Variants in MBD3 observed in about 807,000 individuals in gnomAD.
MBD3 encodes the protein methyl-CpG binding domain protein 3, also known as methyl-CpG-binding domain protein 3.
In MBD3, 13 loss-of-function variants were observed where a neutral mutation model predicts 31.2. The observed-to-expected ratio is 0.42, with a 90% CI of 0.27 to 0.66. The LOEUF (loss-of-function observed/expected upper bound fraction) is 0.66, where lower values mean the gene tolerates loss of function less well. Ranked by LOEUF, MBD3 falls within the 30% of genes least tolerant of loss-of-function variation. The pLI is 0.26. For missense variants in MBD3, 440 were observed against 426.5 expected (o/e 1.03, Z -0.28); for synonymous variants, 223 against 187.4 (o/e 1.19, Z -1.55).
chr19:1,590,070 G>A (rs1206690116), intron 1 of MBD3, among the ~76,000 whole-genome samples: 19 of 152,140 alleles, frequency 1.2e-4, no homozygotes. Context: ...CACTTTGGGA[G>A]GCTGAGGTGC....
chr19:1,579,764 TTTTCTA>T (rs545186510), intron 5 of MBD3, among the ~76,000 whole-genome samples: 39 of 152,230 alleles, frequency 2.6e-4, no homozygotes, highest in Non-Finnish European at 4.6e-4. Flanking sequence ...TTCAATGCCC[TTTTCTA>T]TTTCTATAAG....
intron 4 of MBD3, among the ~76,000 whole-genome samples, chr19:1,581,986 C>CTCGA (rs1243076583): frequency 6.6e-6 from 1 of 152,090 alleles, no homozygotes; most frequent in Non-Finnish European, 1.5e-5. Flanking sequence ...CCAGGATGAT[C>CTCGA]TCGATCTCCT....
rs754647971 is a variant in MBD3, at chr19:1,582,608, G to T, written c.499+14C>A. The T allele has an allele frequency of 6.2e-7, 1 of 1,612,586 alleles. No homozygotes were observed. Among genetic ancestry groups the T allele is most frequent in the East Asian group, 2.2e-5 (1 of 44,866 alleles). On this transcript the variant is annotated intron_variant, in intron 4 of 6. Coordinates refer to ENST00000434436, the MANE Select transcript of MBD3 (RefSeq NM_001281453.2). ...GCACATCCCCTTCCGCCTCCCCTCA[G>T]GGTGCCCGCTCACCCTGCAGGCCCT...
chr19:1,588,779 CAAAAAAAAAA>C (rs750933978), intron 1 of MBD3, among the ~76,000 whole-genome samples: 2 of 54,950 alleles, frequency 3.6e-5, no homozygotes, highest in Non-Finnish European at 6.8e-5. Context: ...ACTGTGTCTC[CAAAAAAAAAA>C]AAAAAAAAAA....
chr19:1,584,522 G>C lies in MBD3; in HGVS notation c.408+18C>G. ...CAACCCGGCCGGGAAGGCTGGGGTC[G>C]CTGTGCGTTGAGCTCACCTGGCGCG... On this transcript the variant is annotated intron_variant, in intron 3 of 6. Transcript: ENST00000434436. The C allele has an allele frequency of 6.2e-7, 1 of 1,611,862 alleles. No homozygotes were observed. The highest frequency in any genetic ancestry group is 8.5e-7 in the Non-Finnish European group (1 of 1,179,654).
chr19:1,575,411 TAA>T lies in MBD3; in HGVS notation c.*2751_*2752del, dbSNP rs375145153. Reference sequence around the variant, plus strand: ...GCGAAAGAAGAGCGAAACTCTTGTCTAAAAAAAAAAAAAGTCCCAGAAGGTCT... The same window carrying T: ...GCGAAAGAAGAGCGAAACTCTTGTCTAAAAAAAAAAAGTCCCAGAAGGTCT... On this transcript the variant is annotated 3_prime_UTR_variant, in exon 7 of 7. Transcript: ENST00000434436. 1,364 of 264,620 alleles carry T rather than the reference TAA, an allele frequency of 5.2e-3. No individual in the cohort carries two copies. The highest frequency in any genetic ancestry group is 9.7e-3 in the South Asian group (324 of 33,464). 16.4% of individuals were successfully genotyped at this position (264,620 alleles called of 1,614,324 possible).
Position 1,575,616 on chromosome 19 carries a change from C to T in MBD3, c.*2548G>A, listed in dbSNP as rs1053585661. On this transcript the variant is annotated 3_prime_UTR_variant, in exon 7 of 7. Transcript: ENST00000434436. Reference sequence around the variant, plus strand: ...GGGGCTGGAGTGTGGAGCCTCGGTGCGCCCAGGGGGTTCAGCCTGAGGGTC... The same window carrying T: ...GGGGCTGGAGTGTGGAGCCTCGGTGTGCCCAGGGGGTTCAGCCTGAGGGTC... 3.1e-5 allele frequency: 5 copies of T among 159,086 alleles called. No individual in the cohort carries two copies. Among genetic ancestry groups the T allele is most frequent in the Non-Finnish European group, 5.4e-5 (4 of 73,416 alleles). The allele number at this position is 159,086 out of a possible 1,614,324, so 9.9% of individuals were successfully genotyped here. A position where few individuals can be genotyped will look rare whatever the true frequency, so the allele number is the denominator to read the frequency against.
chr19:1,586,702 T>G (rs1293170457), intron 1 of MBD3, among the ~76,000 whole-genome samples: 1 of 145,954 alleles, frequency 6.9e-6, no homozygotes, highest in East Asian at 2.0e-4. Flanking sequence ...AGTCTCACTC[T>G]GTCGCCCAGG....
rs759274622 is a variant in MBD3 at position 1,575,405 on chromosome 19, CTT to C, written c.*2757_*2758del. The C allele has an allele frequency of 7.5e-4, 238 of 318,080 alleles. 1 individual carries two copies. Among genetic ancestry groups the C allele is most frequent in the Non-Finnish European group, 1.3e-3 (206 of 157,628 alleles). The allele number at this position is 318,080 out of a possible 1,614,324, so 19.7% of individuals were successfully genotyped here. A position where few individuals can be genotyped will look rare whatever the true frequency, so the allele number is the denominator to read the frequency against. On this transcript the variant is annotated 3_prime_UTR_variant, in exon 7 of 7. Transcript: ENST00000434436. ...ACAAGAGCGAAAGAAGAGCGAAACT[CTT>C]GTCTAAAAAAAAAAAAAGTCCCAGA...
At chr19:1,588,684 C>T (rs897581094) in intron 1 of MBD3, among the ~76,000 whole-genome samples, 7 of 147,888 alleles carry the variant, frequency 4.7e-5, no homozygotes, top group African/African-American at 1.3e-4. Context: ...GGGAGGCTGA[C>T]GCAGAATTGG....
chr19:1,577,945 G>A lies in MBD3; in HGVS notation c.*219C>T. On this transcript the variant is annotated 3_prime_UTR_variant, in exon 7 of 7. Coordinates refer to ENST00000434436, the MANE Select transcript of MBD3 (RefSeq NM_001281453.2). ...ACTTCCCGAAGCCGGACTCTGTAGA[G>A]GACGAGCGTGGAGGGTCTTTCGGGT... 3.0e-6 allele frequency: 1 copy of A among 335,732 alleles called. No homozygotes were observed. The highest frequency in any genetic ancestry group is 5.7e-6 in the Non-Finnish European group (1 of 176,262). 20.8% of individuals were successfully genotyped at this position (335,732 alleles called of 1,614,324 possible).
chr19:1,574,025 T>G lies in MBD3; in HGVS notation c.*4139A>C, dbSNP rs1417798071. ...GCCGAAGAAGAAGAAGAAAAAAAAGTACACAATTCTGGTGAGGCACGGTGG... is the reference window on the plus strand; with the variant it reads ...GCCGAAGAAGAAGAAGAAAAAAAAGGACACAATTCTGGTGAGGCACGGTGG... On this transcript the variant is annotated 3_prime_UTR_variant, in exon 7 of 7. Transcript: ENST00000434436. The G allele has an allele frequency of 6.6e-6, 1 of 150,616 alleles. No homozygotes were observed. The highest frequency in any genetic ancestry group is 1.5e-5 in the Non-Finnish European group (1 of 67,814). 9.3% of individuals were successfully genotyped at this position (150,616 alleles called of 1,614,324 possible). A position where few individuals can be genotyped will look rare whatever the true frequency, so the allele number is the denominator to read the frequency against.
At chr19:1,591,468 T>G (rs958042505) in intron 1 of MBD3, among the ~76,000 whole-genome samples, 1 of 152,166 alleles carries the variant, frequency 6.6e-6, no homozygotes, top group Non-Finnish European at 1.5e-5. Context: ...CTGCCCCTCC[T>G]TGGCTCGTGG....
rs1231142713 is a variant in MBD3, at chr19:1,592,665, CCGCCGCCGCCCGGACCCCCACT to C, written c.-56_-35del. On this transcript the variant is annotated 5_prime_UTR_variant, in exon 1 of 7. Coordinates refer to ENST00000434436, the MANE Select transcript of MBD3 (RefSeq NM_001281453.2). ...GCTCCTCGGCCCGCCGCCGGGCCCG[CCGCCGCCGCCCGGACCCCCACT>C]CGCCGCCGCCGCCTCAGCTGCCTCC... 3.2e-6 allele frequency: 3 copies of C among 951,242 alleles called. No homozygotes were observed. Among genetic ancestry groups the C allele is most frequent in the African/African-American group, 1.8e-5 (1 of 56,768 alleles). 58.9% of individuals were successfully genotyped at this position (951,242 alleles called of 1,614,324 possible).
Position 1,573,936 on chromosome 19 carries a change from A to T in MBD3, c.*4228T>A, listed in dbSNP as rs1227789354. 3 of 152,002 alleles carry T rather than the reference A, an allele frequency of 2.0e-5. No individual in the cohort carries two copies. Among genetic ancestry groups the T allele is most frequent in the Non-Finnish European group, 1.5e-5 (1 of 68,036 alleles). The allele number at this position is 152,002 out of a possible 1,614,324, so 9.4% of individuals were successfully genotyped here. A position where few individuals can be genotyped will look rare whatever the true frequency, so the allele number is the denominator to read the frequency against. On this transcript the variant is annotated 3_prime_UTR_variant, in exon 7 of 7. Coordinates refer to ENST00000434436, the MANE Select transcript of MBD3 (RefSeq NM_001281453.2). ...AGAATCTATTGAACCCGGGAGGAGG[A>T]GGTTGCGGTGAGCCAAGTTTGCACC...
At chr19:1,592,420 C>G (rs1360484808) in intron 1 of MBD3, 102 bp downstream of exon 1, 1 of 324,300 alleles carries the variant, frequency 3.1e-6, no homozygotes, top group Non-Finnish European at 4.9e-6. Flanking sequence ...ACGACGCACG[C>G]GCGGGGCCCA....
chr19:1,587,263 C>A (rs2060683821), intron 1 of MBD3, among the ~76,000 whole-genome samples: 1 of 152,010 alleles, frequency 6.6e-6, no homozygotes, highest in Non-Finnish European at 1.5e-5. Flanking sequence ...CCGCGCCCAG[C>A]CAATTTTTAT....
In MBD3 at chr19:1,578,366, G is replaced by T; in HGVS notation, c.850C>A (p.Pro284Thr). The T allele has an allele frequency of 6.2e-7, 1 of 1,604,048 alleles. No homozygotes were observed. The highest frequency in any genetic ancestry group is 8.5e-7 in the Non-Finnish European group (1 of 1,179,768). ...TAGACGTGCTCCATCTCCGGGTCCGGGTCGGGCTCCTCCTCCTCCTCCTCC... is the reference window on the plus strand; with the variant it reads ...TAGACGTGCTCCATCTCCGGGTCCGTGTCGGGCTCCTCCTCCTCCTCCTCC... ...DEEEEEEEPD[P>T]DPEMEHV Residue 284 changes from proline (P) to threonine (T), a missense_variant, in exon 6 of 7, where the codon CCG becomes ACG. Physicochemically the swap from Pro to Thr is conservative, Grantham distance 38. Around this residue, in one of 3 missense-constraint regions of MBD3, gnomAD observed 117 missense variants for 95.0 expected, o/e 1.23. Coordinates refer to ENST00000434436, the MANE Select transcript of MBD3 (RefSeq NM_001281453.2). This position sits in a 1 kb window ranked among gnomAD's most constrained non-coding sequence, Gnocchi z 6.1.
rs1181653342 is a variant in MBD3, at chr19:1,578,666, C to A, written c.678-128G>T. On this transcript the variant is annotated intron_variant, in intron 5 of 6. Coordinates refer to ENST00000434436, the MANE Select transcript of MBD3 (RefSeq NM_001281453.2). The surrounding 1 kb of genome is among the most constrained non-coding windows in gnomAD (Gnocchi z 6.1). ...TCCACAGGCACCCCCCCAGGACCAGCCCTGGCCCGTGCCACCCCTCCCTTC... is the reference window on the plus strand; with the variant it reads ...TCCACAGGCACCCCCCCAGGACCAGACCTGGCCCGTGCCACCCCTCCCTTC... The A allele has an allele frequency of 1.9e-6, 3 of 1,566,358 alleles. No homozygotes were observed.
Sources: gnomAD v4.1 joint callset for allele counts (sites outside exome capture counted in the v4.1 genomes callset) on GRCh38, gnomAD v4.1.1 for gene constraint, gnomAD v4.1.1 regional missense constraint, Gnocchi (gnomAD v3.1) non-coding constraint, MANE v1.5 for transcripts, NCBI Gene and HGNC (gene_info 2026-07-23, HGNC 2026-07-21) for gene names.